Variants in SEMA4D observed in about 807,000 individuals in gnomAD.
SEMA4D encodes the protein semaphorin 4D, also known as semaphorin-4D.
A neutral mutation model predicts 74.8 loss-of-function variants in SEMA4D; 22 were observed. The observed-to-expected ratio is 0.29, with a 90% CI of 0.21 to 0.42. The LOEUF (loss-of-function observed/expected upper bound fraction) is 0.42. SEMA4D is among the 10% of genes least tolerant of loss of function. SEMA4D has a pLI of 1.00. For missense variants in SEMA4D, 937 were observed against 1,118.4 expected, an observed-to-expected ratio of 0.84 and a Z score of 2.31; for synonymous variants, 445 against 463.7, an observed-to-expected ratio of 0.96 and a Z score of 0.52.
At chr9:89,382,252 T>C (rs1268636997) in intron 13 of SEMA4D, among the ~76,000 whole-genome samples, 1 of 152,194 alleles carries the variant, frequency 6.6e-6, no homozygotes, top group East Asian at 1.9e-4. Flanking sequence ...GACCTGGAGG[T>C]GGCCCGTGGA....
rs1278513880 is a variant in SEMA4D at position 89,363,429 on chromosome 9, C to A, written c.2190+1G>T. ...TTCTTTGCCCGGCTGCGGCCACTTACCCACGCCTTCCTCCAGCTCTGCATC... is the reference window on the plus strand; with the variant it reads ...TTCTTTGCCCGGCTGCGGCCACTTAACCACGCCTTCCTCCAGCTCTGCATC... On this transcript the variant is annotated splice_donor_variant, in intron 18 of 18. Transcript: ENST00000339861. LOFTEE classifies it high-confidence loss of function. 2 of 1,612,490 alleles carry A rather than the reference C, an allele frequency of 1.2e-6. No homozygotes were observed. The highest frequency in any genetic ancestry group is 1.7e-5 in the Admixed American group (1 of 60,000).
chr9:89,399,940 G>C (rs1294987045), intron 4 of SEMA4D, among the ~76,000 whole-genome samples: 2 of 133,448 alleles, frequency 1.5e-5, no homozygotes, highest in Non-Finnish European at 3.1e-5. Flanking sequence ...GAAGGTTGCA[G>C]TAAGCCGAGA....
rs1251799381 is a variant in SEMA4D, at chr9:89,462,144, G to A, written c.-309-6191C>T. The stretch of plus-strand genomic sequence containing the variant: ...TTTGCTGAATCCCTAACTGAAGCAC[G>A]TGAAGCTAAAATCACTCCCTCTCTG... On this transcript the variant is annotated intron_variant, in intron 1 of 15. Coordinates refer to ENST00000422704, the MANE Select transcript of SEMA4D (RefSeq NM_001371194.2). Among the ~76,000 whole-genome samples the A allele has an allele frequency of 4.6e-5, 7 of 152,182 alleles. No homozygotes were observed. In the South Asian group the frequency reaches 6.2e-4, roughly 13 times the overall value.
chr9:89,418,539 A>T (rs1214751154), intron 2 of SEMA4D: 1 of 457,616 alleles, frequency 2.2e-6, no homozygotes, highest in African/African-American at 2.1e-5. Flanking sequence ...AGAAACACAT[A>T]TGGCATAATT....
At chr9:89,454,179 T>TG (rs1855363301) in intron 2 of SEMA4D, among the ~76,000 whole-genome samples, 1 of 152,170 alleles carries the variant, frequency 6.6e-6, no homozygotes, top group Non-Finnish European at 1.5e-5. Context: ...GATCCCAGCC[T>TG]GGGCAAGACC....
intron 4 of SEMA4D, among the ~76,000 whole-genome samples, chr9:89,401,197 A>C (rs1357284418): frequency 1.3e-5 from 2 of 151,788 alleles, no homozygotes; most frequent in Admixed American, 1.3e-4. Flanking sequence ...TCAGACTCCC[A>C]AGACCTGAGC....
rs73488224 is a variant in SEMA4D at position 89,449,133 on chromosome 9, A to G, written c.-244+6755T>C. Among the ~76,000 whole-genome samples the G allele has an allele frequency of 5.3e-3, 804 of 152,366 alleles. 9 individuals are homozygous for G. Among genetic ancestry groups the G allele is most frequent in the African/African-American group, 0.018 (728 of 41,586 alleles). ...GGAGGGGTATGCTCACTGAAAGCAC[A>G]GGCCCGGGAGCCCGGCAGATGTACA... On this transcript the variant is annotated intron_variant, in intron 2 of 15. Transcript: ENST00000422704.
At chr9:89,402,818 G>A (rs41287361) in intron 4 of SEMA4D, 53 bp downstream of exon 4, 420,432 of 1,578,434 alleles carry the variant, frequency 0.27, 57,417 homozygotes, top group Non-Finnish European at 0.28. Context: ...GGCCAGGAGA[G>A]GCTGCCCACT....
intron 15 of SEMA4D, among the ~76,000 whole-genome samples, chr9:89,380,600 G>A (rs1276200767): frequency 6.6e-6 from 1 of 152,190 alleles, no homozygotes; most frequent in Non-Finnish European, 1.5e-5. Flanking sequence ...TGGCTGCTGG[G>A]GAAGGGGCAT....
At chr9:89,408,669 G>A (rs73654776) in intron 2 of SEMA4D, among the ~76,000 whole-genome samples, 163 of 152,224 alleles carry the variant, frequency 1.1e-3, no homozygotes, top group African/African-American at 3.6e-3. Context: ...GCCACTAGAG[G>A]AGGAGGAGGA....
At chr9:89,408,879 T>C (rs909403517) in intron 2 of SEMA4D, among the ~76,000 whole-genome samples, 51 of 152,108 alleles carry the variant, frequency 3.4e-4, no homozygotes, top group Non-Finnish European at 3.2e-4. Flanking sequence ...AAACAACCTC[T>C]CTCGTGGCAT....
At chr9:89,437,664 G>C (rs1850752609) in intron 2 of SEMA4D, among the ~76,000 whole-genome samples, 1 of 152,218 alleles carries the variant, frequency 6.6e-6, no homozygotes, top group Non-Finnish European at 1.5e-5. Context: ...CTCTGGTCAA[G>C]GGGTCCCAGG....
At chr9:89,441,218 C>T (rs1851595898) in intron 2 of SEMA4D, among the ~76,000 whole-genome samples, 1 of 152,266 alleles carries the variant, frequency 6.6e-6, no homozygotes, top group Admixed American at 6.5e-5. Context: ...ACCAAACTCC[C>T]AGACCTTACG....
intron 1 of SEMA4D, among the ~76,000 whole-genome samples, chr9:89,461,644 AC>A (rs1289709952): frequency 6.7e-6 from 1 of 150,184 alleles, no homozygotes; most frequent in East Asian, 2.0e-4. Context: ...GACATCATAA[AC>A]CCCCAGAGTC....
intron 1 of SEMA4D, among the ~76,000 whole-genome samples, chr9:89,481,406 C>T (rs1824666087): frequency 6.6e-6 from 1 of 152,176 alleles, no homozygotes; most frequent in African/African-American, 2.4e-5. Flanking sequence ...CAAAATTAAA[C>T]CACAGGTGCC....
chr9:89,478,337 T>C (rs1214929672), intron 1 of SEMA4D, among the ~76,000 whole-genome samples: 1 of 152,072 alleles, frequency 6.6e-6, no homozygotes, highest in Non-Finnish European at 1.5e-5. Context: ...CCATGTGATG[T>C]TGGAGCAGAG....
At chr9:89,443,109 G>A (rs1852026277) in intron 2 of SEMA4D, among the ~76,000 whole-genome samples, 1 of 152,202 alleles carries the variant, frequency 6.6e-6, no homozygotes, top group South Asian at 2.1e-4. Context: ...TCCCCAGGAG[G>A]TGACTCACAG....
chr9:89,363,580 C>T, intron 17 of SEMA4D: 1 of 1,608,690 alleles, frequency 6.2e-7, no homozygotes, highest in Non-Finnish European at 8.5e-7. Flanking sequence ...TTTATGGCAC[C>T]CTTGATGCCC....
intron 18 of SEMA4D, chr9:89,362,531 G>A: frequency 1.3e-6 from 2 of 1,597,958 alleles, no homozygotes; most frequent in Non-Finnish European, 1.7e-6. Context: ...GAGCACTCAA[G>A]GCCTCAGCCC....
Sources: allele counts gnomAD v4.1 joint callset (sites outside exome capture counted in the v4.1 genomes callset), GRCh38; gene constraint gnomAD v4.1.1; transcripts MANE v1.5; gene names NCBI Gene and HGNC (gene_info 2026-07-23, HGNC 2026-07-21).